Variants in CPT1A observed in about 807,000 individuals in gnomAD.
CPT1A encodes carnitine palmitoyltransferase 1A.
CPT1A carries 64 observed loss-of-function variants against 100.8 expected under a neutral mutation model. That is an observed-to-expected ratio of 0.63 (90% CI 0.52 to 0.78). CPT1A has a LOEUF of 0.78. Ranked by LOEUF, CPT1A falls within the 30% of genes least tolerant of loss-of-function variation. The pLI, the probability that CPT1A is intolerant of heterozygous loss-of-function variation, is 0.00. For synonymous variants in CPT1A, 363 were observed against 396.0 expected, an observed-to-expected ratio of 0.92 and a Z score of 0.99; for missense variants, 802 against 1,034.1, an observed-to-expected ratio of 0.78 and a Z score of 3.08.
At chr11:68,822,337 G>A (rs913246200) in intron 1 of CPT1A, among the ~76,000 whole-genome samples, 8 of 152,080 alleles carry the variant, frequency 5.3e-5, no homozygotes, top group African/African-American at 1.9e-4. Flanking sequence ...TTCGAGACCA[G>A]CCTGGGGAAC....
chr11:68,791,661 C>G (rs748632012), intron 9 of CPT1A, among the ~76,000 whole-genome samples: 4 of 152,230 alleles, frequency 2.6e-5, no homozygotes, highest in Non-Finnish European at 5.9e-5. Flanking sequence ...CTTAGCCTCC[C>G]AAGTAGCTGG....
At chr11:68,785,112 C>T (rs1045528068) in intron 9 of CPT1A, 102 bp from the exon 10 acceptor site, 1 of 940,364 alleles carries the variant, frequency 1.1e-6, no homozygotes, top group Non-Finnish European at 1.7e-6. Flanking sequence ...GGAGTCCCTG[C>T]TCTGCGTCTC....
rs891856679 is a variant in CPT1A, at chr11:68,841,810, A to AGCGGCG, written c.-55_-50dup. 2.3e-4 allele frequency: 232 copies of AGCGGCG among 993,560 alleles called. No individual in the cohort carries two copies. The highest frequency in any genetic ancestry group is 1.8e-3 in the East Asian group (17 of 9,276). The allele number at this position is 993,560 out of a possible 1,614,324, so 61.5% of individuals were successfully genotyped here. ...ACGGAGGTGCGGCAGCGGCAGCGGC[A>AGCGGCG]GCGGCGGCGGCGGCGGCGGCGGTGG... On this transcript the variant is annotated 5_prime_UTR_variant, in exon 1 of 19. Transcript: ENST00000265641. The surrounding 1 kb of genome is among the most constrained non-coding windows in gnomAD (Gnocchi z 6.3).
chr11:68,794,655 C>T (rs1392327337), intron 8 of CPT1A, 149 bp downstream of exon 8: 4 of 707,732 alleles, frequency 5.7e-6, no homozygotes, highest in African/African-American at 1.7e-5. Flanking sequence ...AGATGATCCG[C>T]CTGCTTTGGC....
At chr11:68,792,416 G>A (rs895500441) in intron 9 of CPT1A, among the ~76,000 whole-genome samples, 7 of 152,188 alleles carry the variant, frequency 4.6e-5, no homozygotes, top group South Asian at 2.1e-4. Context: ...AGGCCCGCCC[G>A]TCATACAGGC....
Position 68,760,316 on chromosome 11 carries a change from A to T in CPT1A, c.2051T>A (p.Leu684Ter). 1 of 1,612,214 alleles carries T rather than the reference A, an allele frequency of 6.2e-7. No individual in the cohort carries two copies. The highest frequency in any genetic ancestry group is 8.5e-7 in the Non-Finnish European group (1 of 1,179,264). The change falls in exon 17 of 19, where the codon TTA becomes TAA. Residue 684 changes from leucine (L) to a stop codon, truncating the protein, a stop_gained. Coordinates refer to ENST00000265641, the MANE Select transcript of CPT1A (RefSeq NM_001876.4). LOFTEE classifies it high-confidence loss of function. ...CTGCTGAGGGGTCTGGCTTGTTGAT[A>T]ATCTCCAAGGCTCAGATAAAACCTA... Reference protein sequence around the residue: ...LKEVLSEPWRLSTSQTPQQQV... With the variant: ...LKEVLSEPWR
At chr11:68,786,995 TAC>T (rs1473386189) in intron 9 of CPT1A, among the ~76,000 whole-genome samples, 1 of 152,144 alleles carries the variant, frequency 6.6e-6, no homozygotes, top group Non-Finnish European at 1.5e-5. Context: ...TATTCCACAT[TAC>T]ACTCAGGATG....
intron 12 of CPT1A, among the ~76,000 whole-genome samples, chr11:68,777,247 T>C (rs1196407012): frequency 6.6e-6 from 1 of 151,924 alleles, no homozygotes; most frequent in Non-Finnish European, 1.5e-5. Context: ...CTGGGCAATG[T>C]GGCAAAACCC....
intron 12 of CPT1A, among the ~76,000 whole-genome samples, chr11:68,778,410 T>A (rs2924692): frequency 0.92 from 139,720 of 152,032 alleles, 64,420 homozygotes; most frequent in Non-Finnish European, 0.95. Flanking sequence ...GTTTATCTCT[T>A]GGGGGAAAAA....
At chr11:68,770,375 T>C (rs1317494716) in intron 14 of CPT1A, among the ~76,000 whole-genome samples, 2 of 152,218 alleles carry the variant, frequency 1.3e-5, no homozygotes, top group Admixed American at 1.3e-4. Flanking sequence ...CGTCAAAGCC[T>C]TTCTGCTGTT....
Position 68,793,366 on chromosome 11 carries a change from C to A in CPT1A, c.916G>T (p.Ala306Ser). 1 of 1,611,964 alleles carries A rather than the reference C, an allele frequency of 6.2e-7. No homozygotes were observed. Among genetic ancestry groups the A allele is most frequent in the Non-Finnish European group, 8.5e-7 (1 of 1,179,136 alleles). Residue 306 changes from alanine (A) to serine (S), a missense_variant, in exon 9 of 19, where the codon GCT becomes TCT. Ala to Ser is a moderately conservative substitution (Grantham distance 99). This residue lies in a region of CPT1A where 627 missense variants were observed against 799.3 expected (regional missense o/e 0.78). Coordinates refer to ENST00000265641, the MANE Select transcript of CPT1A (RefSeq NM_001876.4). Reference protein sequence around the residue: ...LLGSTIPLCSAQWERMFNTSR... With the variant: ...LLGSTIPLCSSQWERMFNTSR... ...GTATTAAACATCCGCTCCCACTGAGCGGAGCAGAGTGGAATCGTGGATCCC... is the reference window on the plus strand; with the variant it reads ...GTATTAAACATCCGCTCCCACTGAGAGGAGCAGAGTGGAATCGTGGATCCC...
chr11:68,837,793 TCCAGCCTGGACAAC>T (rs1231221048), intron 1 of CPT1A, among the ~76,000 whole-genome samples: 1 of 151,808 alleles, frequency 6.6e-6, no homozygotes. Context: ...GCCACGGCAC[TCCAGCCTGGACAAC>T]AGAGCAAGAC....
chr11:68,820,824 C>G (rs940638259), intron 1 of CPT1A, among the ~76,000 whole-genome samples: 5 of 152,164 alleles, frequency 3.3e-5, no homozygotes, highest in Non-Finnish European at 5.9e-5. Flanking sequence ...TCCCTGCCTA[C>G]AGGGAGTTAC....
At chr11:68,776,589 C>T (rs1312023558) in intron 12 of CPT1A, among the ~76,000 whole-genome samples, 2 of 151,984 alleles carry the variant, frequency 1.3e-5, no homozygotes, top group Non-Finnish European at 2.9e-5. Flanking sequence ...AAAAATAGTA[C>T]AGAATTAGGC....
chr11:68,778,979 T>A (rs902571306), intron 12 of CPT1A, among the ~76,000 whole-genome samples: 1 of 151,666 alleles, frequency 6.6e-6, no homozygotes, highest in Non-Finnish European at 1.5e-5. Flanking sequence ...AGAGACGGGG[T>A]TTCACCGTGT....
intron 1 of CPT1A, among the ~76,000 whole-genome samples, chr11:68,834,891 C>T (rs1244144328): frequency 3.3e-5 from 5 of 151,316 alleles, no homozygotes; most frequent in African/African-American, 9.7e-5. Context: ...CTCAGCTACT[C>T]GGGAGGCTGA....
chr11:68,785,548 G>A (rs1855435577), intron 9 of CPT1A, among the ~76,000 whole-genome samples: 1 of 127,908 alleles, frequency 7.8e-6, no homozygotes, highest in East Asian at 2.4e-4. Flanking sequence ...GTAACAGAGT[G>A]ATACTCCATC....
At chr11:68,829,384 A>T (rs1856823853) in intron 1 of CPT1A, among the ~76,000 whole-genome samples, 1 of 152,122 alleles carries the variant, frequency 6.6e-6, no homozygotes, top group Non-Finnish European at 1.5e-5. Context: ...TATCGGAGAC[A>T]TATCACAGCC....
intron 18 of CPT1A, 68 bp downstream of exon 18, chr11:68,759,501 T>G (rs1946759832): frequency 2.0e-6 from 2 of 998,990 alleles, no homozygotes; most frequent in South Asian, 2.6e-5. Flanking sequence ...ATTAAAGATG[T>G]GTTTCCTTAA....
Sources: gnomAD v4.1 joint callset for allele counts (sites outside exome capture counted in the v4.1 genomes callset) on GRCh38, gnomAD v4.1.1 for gene constraint, gnomAD v4.1.1 regional missense constraint, Gnocchi (gnomAD v3.1) non-coding constraint, MANE v1.5 for transcripts, NCBI Gene and HGNC (gene_info 2026-07-23, HGNC 2026-07-21) for gene names.